Variants in PCDHGB3 observed in about 807,000 individuals in gnomAD.
PCDHGB3 encodes the protein protocadherin gamma-B3.
PCDHGB3 carries 40 observed loss-of-function variants against 59.2 expected under a neutral mutation model. That is an observed-to-expected ratio of 0.68 (90% CI 0.52 to 0.88). The LOEUF (loss-of-function observed/expected upper bound fraction) is 0.88. Among genes scored for constraint, PCDHGB3 ranks in the 40% least tolerant of loss-of-function variants. The pLI is 0.00. For missense variants in PCDHGB3, 1,309 were observed against 1,187.9 expected (o/e 1.10, Z -1.50); for synonymous variants, 581 against 503.6 (o/e 1.15, Z -2.06).
rs755429700 is a variant in PCDHGB3, at chr5:141,375,609, C to G, written c.2415+2800C>G. ...CTGTCCTCCTACGTGTCCATCAACT[C>G]CGACACTGGGATTCTGTACGCCCTG... On this transcript the variant is annotated intron_variant, in intron 1 of 3. Coordinates refer to ENST00000576222, the MANE Select transcript of PCDHGB3 (RefSeq NM_018924.5). 9.9e-6 allele frequency: 16 copies of G among 1,614,108 alleles called. No homozygotes were observed. The African/African-American group carries it at 2.1e-4, about 22-fold the overall frequency.
chr5:141,445,991 T>C (rs532620580), intron 1 of PCDHGB3, among the ~76,000 whole-genome samples: 147 of 152,168 alleles, frequency 9.7e-4, no homozygotes, highest in Admixed American at 3.4e-3. Context: ...TAAATAGAAA[T>C]AGGAAGATAA....
At chr5:141,379,014 T>G (rs1440666109) in intron 1 of PCDHGB3, 1 of 152,222 alleles carries the variant, frequency 6.6e-6, no homozygotes, top group East Asian at 1.9e-4. Flanking sequence ...TCTCCAGTCA[T>G]GAGTTGGAAG....
At position 141,387,642 on chromosome 5, in the gene PCDHGB3, C is replaced by A. The variant is rs554256672; in HGVS notation, c.2415+14833C>A. The A allele has an allele frequency of 6.9e-5, 43 of 622,250 alleles. No homozygotes were observed. In the African/African-American group the frequency reaches 7.8e-4, roughly 11 times the overall value. 38.5% of individuals were successfully genotyped at this position (622,250 alleles called of 1,614,324 possible). On this transcript the variant is annotated intron_variant, in intron 1 of 3. Transcript: ENST00000576222. ...TGCTGACTCTGGGCGCCGCTGTTGG[C>A]CAAAGTGGAGAGCTTGGCGCTCCAG...
intron 1 of PCDHGB3, chr5:141,384,592 C>T (rs1780248278): frequency 6.2e-7 from 1 of 1,614,120 alleles, no homozygotes; most frequent in African/African-American, 1.3e-5. Flanking sequence ...GATCCTGTAC[C>T]CGGCCCTCCC....
chr5:141,490,910 A>G lies in PCDHGB3; in HGVS notation c.2416-3897A>G. The G allele has an allele frequency of 1.2e-6, 2 of 1,613,652 alleles. No individual in the cohort carries two copies. Among genetic ancestry groups the G allele is most frequent in the African/African-American group, 1.3e-5 (1 of 75,048 alleles). ...TCTCTGCATGTGTTTGTCCTAGACG[A>G]GAATGATAATGCCCCAGCTGTGCTG... On this transcript the variant is annotated intron_variant, in intron 1 of 3. Transcript: ENST00000576222. This position sits in a 1 kb window ranked among gnomAD's most constrained non-coding sequence, Gnocchi z 5.4.
chr5:141,441,697 C>A (rs1415018255), intron 1 of PCDHGB3: 4 of 307,190 alleles, frequency 1.3e-5, no homozygotes, highest in Non-Finnish European at 1.3e-5. Flanking sequence ...CAGCCGCGAG[C>A]CTTCAAGCTC....
chr5:141,433,358 C>CGTAT, intron 1 of PCDHGB3: 1 of 503,368 alleles, frequency 2.0e-6, no homozygotes, highest in Non-Finnish European at 3.5e-6. Context: ...CTACTGTCTG[C>CGTAT]CTATCTATCT....
In PCDHGB3 at chr5:141,370,437, C is replaced by T; in HGVS notation, c.43C>T (p.Arg15Ter). The T allele has an allele frequency of 1.2e-6, 2 of 1,603,790 alleles. No individual in the cohort carries two copies. The highest frequency in any genetic ancestry group is 1.7e-6 in the Non-Finnish European group (2 of 1,174,860). The change falls in exon 1 of 4, where the codon CGA becomes TGA. Residue 15 changes from arginine (R) to a stop codon, truncating the protein, a stop_gained. Transcript: ENST00000576222. LOFTEE classifies it high-confidence loss of function. ...SGWRGPAGQR[R>*]MLFLFLLSLL... is the part of the protein sequence containing the mutation. Reference sequence around the variant, plus strand: ...ATGGAGGGGCCCAGCAGGGCAGAGGCGAATGCTATTTCTCTTCCTGCTCTC... The same window carrying T: ...ATGGAGGGGCCCAGCAGGGCAGAGGTGAATGCTATTTCTCTTCCTGCTCTC...
intron 1 of PCDHGB3, chr5:141,377,100 C>G (rs941685328): frequency 6.6e-6 from 1 of 152,186 alleles, no homozygotes; most frequent in East Asian, 1.9e-4. Context: ...TCTTTTATAT[C>G]AAAAGAATGT....
In PCDHGB3 at chr5:141,402,880, A is replaced by T; in HGVS notation, c.2415+30071A>T. The T allele has an allele frequency of 1.4e-6, 2 of 1,474,944 alleles. 1 individual carries two copies. The highest frequency in any genetic ancestry group is 2.9e-5 in the South Asian group (2 of 68,686). 91.4% of individuals were successfully genotyped at this position (1,474,944 alleles called of 1,614,324 possible). On this transcript the variant is annotated intron_variant, in intron 1 of 3. Coordinates refer to ENST00000576222, the MANE Select transcript of PCDHGB3 (RefSeq NM_018924.5). ...TAAGGAAAAGATCACCATACTTTGCAGGGTGGAAGAAAGAACCTGATGAAG... is the reference window on the plus strand; with the variant it reads ...TAAGGAAAAGATCACCATACTTTGCTGGGTGGAAGAAAGAACCTGATGAAG...
intron 1 of PCDHGB3, among the ~76,000 whole-genome samples, chr5:141,381,361 G>A (rs1050283609): frequency 6.6e-6 from 1 of 152,198 alleles, no homozygotes; most frequent in Admixed American, 6.5e-5. Context: ...CTAGCAGAGG[G>A]TAGCCTCGGA....
In PCDHGB3 at chr5:141,512,926, T is replaced by C. The variant is rs1438111849; in HGVS notation, c.*1753T>C. The C allele has an allele frequency of 6.6e-6, 1 of 152,216 alleles. No homozygotes were observed. The highest frequency in any genetic ancestry group is 1.5e-5 in the Non-Finnish European group (1 of 68,048). 9.4% of individuals were successfully genotyped at this position (152,216 alleles called of 1,614,324 possible). A position where few individuals can be genotyped will look rare whatever the true frequency, so the allele number is the denominator to read the frequency against. On this transcript the variant is annotated 3_prime_UTR_variant, in exon 4 of 4. Coordinates refer to ENST00000576222, the MANE Select transcript of PCDHGB3 (RefSeq NM_018924.5). ...CGCAAGTTTTATACTCTAATATTTA[T>C]ATGGCTTTTTTTCTTCGACAAAAAA...
rs2099710738 is a variant in PCDHGB3, at chr5:141,491,331, T to C, written c.2416-3476T>C. 6.2e-7 allele frequency: 1 copy of C among 1,614,170 alleles called. No homozygotes were observed. The highest frequency in any genetic ancestry group is 8.5e-7 in the Non-Finnish European group (1 of 1,180,018). On this transcript the variant is annotated intron_variant, in intron 1 of 3. Coordinates refer to ENST00000576222, the MANE Select transcript of PCDHGB3 (RefSeq NM_018924.5). The surrounding 1 kb of genome is among the most constrained non-coding windows in gnomAD (Gnocchi z 6.9). ...ACCTTACCCTTTACCTCATTGTGGC[T>C]CTAGCGACCGTCAGTCTCTTATCCC...
At position 141,490,788 on chromosome 5, in the gene PCDHGB3, C is replaced by G. The variant is rs2099704332; in HGVS notation, c.2416-4019C>G. ...ATGTCAACCCAGAGGATGGACGGAT[C>G]TTTGCCCAGCGTACCTTTGACTATG... On this transcript the variant is annotated intron_variant, in intron 1 of 3. Coordinates refer to ENST00000576222, the MANE Select transcript of PCDHGB3 (RefSeq NM_018924.5). The surrounding 1 kb of genome is among the most constrained non-coding windows in gnomAD (Gnocchi z 5.4). 6.2e-7 allele frequency: 1 copy of G among 1,613,918 alleles called. No homozygotes were observed. The highest frequency in any genetic ancestry group is 1.1e-5 in the South Asian group (1 of 91,084).
intron 1 of PCDHGB3, among the ~76,000 whole-genome samples, chr5:141,406,263 TC>T (rs1163660392): frequency 3.9e-5 from 6 of 151,964 alleles, no homozygotes; most frequent in Non-Finnish European, 8.8e-5. Flanking sequence ...CAAACGATCT[TC>T]CTGCTTCAGT....
intron 1 of PCDHGB3, among the ~76,000 whole-genome samples, chr5:141,402,239 T>A (rs1361940803): frequency 6.6e-6 from 1 of 152,066 alleles, no homozygotes; most frequent in African/African-American, 2.4e-5. Flanking sequence ...AGGAATTTTA[T>A]CATCAAAATA....
chr5:141,502,900 T>C (rs1433421797), intron 2 of PCDHGB3, among the ~76,000 whole-genome samples: 2 of 147,288 alleles, frequency 1.4e-5, no homozygotes, highest in Non-Finnish European at 3.0e-5. Flanking sequence ...TCTAGCTCTG[T>C]TGCCAGGCTG....
At position 141,407,205 on chromosome 5, in the gene PCDHGB3, C is replaced by T. The variant is rs146299905; in HGVS notation, c.2415+34396C>T. 1.4e-3 allele frequency among the ~76,000 whole-genome samples: 213 copies of T among 152,308 alleles called. 1 individual carries two copies. Among genetic ancestry groups the T allele is most frequent in the African/African-American group, 4.8e-3 (199 of 41,572 alleles). On this transcript the variant is annotated intron_variant, in intron 1 of 3. Coordinates refer to ENST00000576222, the MANE Select transcript of PCDHGB3 (RefSeq NM_018924.5). ...ATTTTAATTATTTCAAACACGTTTTCCCCCTTAAGTGGGTAGCAAAAAAAA... is the reference window on the plus strand; with the variant it reads ...ATTTTAATTATTTCAAACACGTTTTTCCCCTTAAGTGGGTAGCAAAAAAAA...
intron 1 of PCDHGB3, among the ~76,000 whole-genome samples, chr5:141,458,338 G>A (rs1160200932): frequency 2.6e-5 from 4 of 152,134 alleles, no homozygotes; most frequent in African/African-American, 9.7e-5. Context: ...GTTTTAAGGA[G>A]TGGAGAGTTT....
Sources: gnomAD v4.1 joint callset for allele counts (sites outside exome capture counted in the v4.1 genomes callset) on GRCh38, gnomAD v4.1.1 for gene constraint, Gnocchi (gnomAD v3.1) non-coding constraint, MANE v1.5 for transcripts, NCBI Gene and HGNC (gene_info 2026-07-23, HGNC 2026-07-21) for gene names.